The following CRADD variants were observed in gnomAD, a reference collection of about 807,000 sequenced individuals.
The protein encoded by CRADD is CARD and death domain containing adaptor protein, also known as death domain-containing protein CRADD.
A neutral mutation model predicts 15.5 loss-of-function variants in CRADD; 9 were observed. The ratio of observed to expected loss-of-function variants is 0.58; its 90% CI spans 0.35 to 1.01. The LOEUF is 1.01. Among genes scored for constraint, CRADD ranks in the 50% least tolerant of loss-of-function variants. The probability of loss-of-function intolerance (pLI) is 0.02; values close to 1 mark genes in which losing one functional copy is unlikely to be tolerated. For synonymous variants in CRADD, 118 were observed against 107.6 expected (o/e 1.10, Z -0.60); for missense variants, 227 against 250.3 (o/e 0.91, Z 0.63).
intron 2 of CRADD, among the ~76,000 whole-genome samples, chr12:93,713,496 C>A (rs1465007542): frequency 7.9e-5 from 12 of 152,160 alleles, no homozygotes; most frequent in Admixed American, 7.2e-4. Flanking sequence ...AAAATGGCAT[C>A]GTATTTTTAT....
chr12:93,742,760 C>T lies in CRADD; in HGVS notation c.298+63688C>T, dbSNP rs113487082. Among the ~76,000 whole-genome samples, 1,369 of 152,220 alleles carry T rather than the reference C, an allele frequency of 9.0e-3. 30 individuals are homozygous for T. Among genetic ancestry groups the T allele is most frequent in the African/African-American group, 0.031 (1,293 of 41,520 alleles). On this transcript the variant is annotated intron_variant, in intron 2 of 2. Transcript: ENST00000332896. ...CCTCCCACTGTCGGTAAAAATGAGC[C>T]GTCACAGGTTGCCGGCAATTTCTTG... is the stretch of plus-strand genomic sequence containing the variant.
intron 2 of CRADD, among the ~76,000 whole-genome samples, chr12:93,890,180 T>C (rs1958566705): frequency 6.6e-6 from 1 of 152,220 alleles, no homozygotes; most frequent in Non-Finnish European, 1.5e-5. Flanking sequence ...TGTGTGTATT[T>C]TGGATAGGTT....
intron 2 of CRADD, among the ~76,000 whole-genome samples, chr12:93,797,180 G>A (rs1281583723): frequency 6.6e-6 from 1 of 152,192 alleles, no homozygotes; most frequent in Non-Finnish European, 1.5e-5. Context: ...CTTTGTGTAA[G>A]CCAAGGGCAA....
chr12:93,784,791 A>G (rs1045336877), intron 2 of CRADD, among the ~76,000 whole-genome samples: 2 of 152,194 alleles, frequency 1.3e-5, no homozygotes, highest in Admixed American at 6.5e-5. Context: ...GGACATAAGA[A>G]TAGATATTCA....
intron 2 of CRADD, among the ~76,000 whole-genome samples, chr12:93,679,509 G>C (rs1955236710): frequency 6.6e-6 from 1 of 152,174 alleles, no homozygotes; most frequent in South Asian, 2.1e-4. Context: ...TGATGAAAGT[G>C]GGTAAGGATT....
At chr12:93,814,390 C>G (rs1957667271) in intron 2 of CRADD, among the ~76,000 whole-genome samples, 1 of 152,134 alleles carries the variant, frequency 6.6e-6, no homozygotes, top group African/African-American at 2.4e-5. Flanking sequence ...GAGTAAAGTT[C>G]ATGTTCCCCC....
rs185964706 is a variant in CRADD, at chr12:93,893,969, C to T, written c.299-81C>T. 6.3e-5 allele frequency: 44 copies of T among 697,016 alleles called. No individual in the cohort carries two copies. In the East Asian group the frequency reaches 1.2e-3, roughly 19 times the overall value. 43.2% of individuals were successfully genotyped at this position (697,016 alleles called of 1,614,324 possible). A position where few individuals can be genotyped will look rare whatever the true frequency, so the allele number is the denominator to read the frequency against. On this transcript the variant is annotated intron_variant, in intron 2 of 2. Transcript: ENST00000548483. ...CGTTGTTTGACCTAGAGCTTAAATA[C>T]ATCTCAAAGTGCACCACACACATTA...
exon 3 of CRADD, chr12:93,894,240 TG>T (rs1186518109): frequency 3.5e-6 from 2 of 579,488 alleles, no homozygotes; most frequent in Non-Finnish European, 6.4e-6. Context: ...GAGGCGTTTT[TG>T]GTTGTCACAA....
intron 2 of CRADD, among the ~76,000 whole-genome samples, chr12:93,786,385 A>G (rs1957278132): frequency 6.6e-6 from 1 of 152,200 alleles, no homozygotes; most frequent in African/African-American, 2.4e-5. Flanking sequence ...GAGAATGATA[A>G]TACCTCTTTT....
chr12:93,743,479 T>C (rs980373777), intron 2 of CRADD, among the ~76,000 whole-genome samples: 14 of 152,116 alleles, frequency 9.2e-5, no homozygotes, highest in African/African-American at 3.4e-4. Context: ...CCACAGGCCC[T>C]CGTCACCGTC....
intron 2 of CRADD, among the ~76,000 whole-genome samples, chr12:93,718,246 A>G (rs1336930058): frequency 2.6e-5 from 4 of 152,224 alleles, no homozygotes; most frequent in African/African-American, 4.8e-5. Context: ...CATTGAATCT[A>G]TGAAGTTGAG....
chr12:93,893,254 A>G (rs1958589258), intron 2 of CRADD, among the ~76,000 whole-genome samples: 1 of 152,230 alleles, frequency 6.6e-6, no homozygotes, highest in African/African-American at 2.4e-5. Context: ...GTCTTTCTAT[A>G]GGGCTGTGGT....
intron 2 of CRADD, among the ~76,000 whole-genome samples, chr12:93,860,611 C>G (rs745409704): frequency 6.6e-6 from 1 of 152,068 alleles, no homozygotes; most frequent in South Asian, 2.1e-4. Flanking sequence ...AGTAAAAACC[C>G]GAGGGAGGGA....
chr12:93,773,485 C>CTA (rs1239090250), intron 2 of CRADD, among the ~76,000 whole-genome samples: 1 of 152,126 alleles, frequency 6.6e-6, no homozygotes, highest in African/African-American at 2.4e-5. Flanking sequence ...CCACATGGAA[C>CTA]GGTAAGTCCA....
At chr12:93,834,605 C>T (rs1184012465) in intron 2 of CRADD, among the ~76,000 whole-genome samples, 1 of 152,142 alleles carries the variant, frequency 6.6e-6, no homozygotes, top group African/African-American at 2.4e-5. Context: ...TCTCCTGCTT[C>T]AGCCTCCCAA....
At chr12:93,692,613 A>C (rs1017887911) in intron 2 of CRADD, among the ~76,000 whole-genome samples, 1 of 152,208 alleles carries the variant, frequency 6.6e-6, no homozygotes, top group Admixed American at 6.5e-5. Flanking sequence ...GCTAACAATG[A>C]ATAGTGTAGC....
downstream of CRADD, among the ~76,000 whole-genome samples, chr12:93,851,306 G>A (rs1043639550): frequency 3.9e-5 from 6 of 152,094 alleles, no homozygotes; most frequent in South Asian, 4.1e-4. Context: ...GTTGGGTGCC[G>A]GCTCCTGAGC....
chr12:93,830,451 TCA>T (rs1354487346), intron 2 of CRADD, among the ~76,000 whole-genome samples: 1 of 152,126 alleles, frequency 6.6e-6, no homozygotes, highest in East Asian at 1.9e-4. Flanking sequence ...TCAGTCTCTC[TCA>T]CACACACATG....
intron 2 of CRADD, among the ~76,000 whole-genome samples, chr12:93,818,319 C>CA (rs534477587): frequency 1.9e-3 from 290 of 152,300 alleles, no homozygotes; most frequent in Middle Eastern, 0.01. Context: ...AGATGGGATA[C>CA]AAAAAGGTAC....
Sources: gnomAD v4.1 joint callset for allele counts (sites outside exome capture counted in the v4.1 genomes callset) on GRCh38, gnomAD v4.1.1 for gene constraint, MANE v1.5 for transcripts, NCBI Gene and HGNC (gene_info 2026-07-23, HGNC 2026-07-21) for gene names.